HMCN2: variants seen among roughly 807,000 people sequenced by gnomAD.
HMCN2 encodes the protein hemicentin 2, also known as hemicentin-2.
A neutral mutation model predicts 377.5 loss-of-function variants in HMCN2; 325 were observed. That is an observed-to-expected ratio of 0.86 (90% CI 0.79 to 0.94). HMCN2 has a LOEUF of 0.94. HMCN2 is among the 40% of genes least tolerant of loss of function. HMCN2 has a pLI of 0.00. For missense variants in HMCN2, 4,543 were observed against 4,725.3 expected (o/e 0.96, Z 1.13); for synonymous variants, 2,007 against 2,046.8 (o/e 0.98, Z 0.53).
At chr9:130,398,020 G>T (rs1024526033) in intron 74 of HMCN2, among the ~76,000 whole-genome samples, 1 of 151,452 alleles carries the variant, frequency 6.6e-6, no homozygotes, top group Admixed American at 6.6e-5. Flanking sequence ...AAGCATGGTG[G>T]CACGTGCCTG....
chr9:130,429,781 C>T, intron 94 of HMCN2, 96 bp downstream of exon 94: 1 of 1,444,908 alleles, frequency 6.9e-7, no homozygotes, highest in Non-Finnish European at 9.1e-7. Flanking sequence ...TACGGGGACA[C>T]CCACCCTCTG....
At position 130,375,976 on chromosome 9, in the gene HMCN2, T is replaced by C. The variant is rs61740830; in HGVS notation, c.7905T>C (p.His2635=). 5.6e-3 allele frequency: 5,479 copies of C among 985,440 alleles called. 250 individuals are homozygous for C. The African/African-American group carries it at 0.088, about 16-fold the overall frequency. 61.0% of individuals were successfully genotyped at this position (985,440 alleles called of 1,614,324 possible). Residue 2635 remains histidine (H), a synonymous_variant, in exon 51 of 98, where the codon CAT becomes CAC. Coordinates refer to ENST00000683500, the MANE Select transcript of HMCN2 (RefSeq NM_001291815.2). ...TCGGGGAGGCCGTGAAAAACTACCA[T>C]GTGGAAGTGCTCAGTGAGTCGGGGA... ...NELGEAVKNY[H]VEVLIPPSIS...
At position 130,392,183 on chromosome 9, in the gene HMCN2, AAATGGGAGGTGCTGG is replaced by A. The variant is rs979063396; in HGVS notation, c.10136+68_10136+82del. 3 of 977,262 alleles carry A rather than the reference AAATGGGAGGTGCTGG, an allele frequency of 3.1e-6. No homozygotes were observed. In the African/African-American group the frequency reaches 5.3e-5, roughly 17 times the overall value. The allele number at this position is 977,262 out of a possible 1,614,324, so 60.5% of individuals were successfully genotyped here. On this transcript the variant is annotated intron_variant, in intron 66 of 97. Transcript: ENST00000683500. The stretch of plus-strand genomic sequence containing the variant: ...GAGTGGACATGTGGGGATTGTCAGC[AAATGGGAGGTGCTGG>A]AAGCCAGGACTGGCTGCAACACCCA...
At chr9:130,391,402 C>A (rs1588377660) in intron 64 of HMCN2, 39 bp downstream of exon 64, 2 of 987,674 alleles carry the variant, frequency 2.0e-6, no homozygotes, top group East Asian at 1.1e-4. Flanking sequence ...GGCGGTAGGG[C>A]CCATGTTCCC....
chr9:130,322,598 C>T (rs1347138278), intron 19 of HMCN2, among the ~76,000 whole-genome samples: 1 of 152,176 alleles, frequency 6.6e-6, no homozygotes, highest in South Asian at 2.1e-4. Flanking sequence ...CCCGCCCAAC[C>T]GCATCCCCCA....
intron 22 of HMCN2, among the ~76,000 whole-genome samples, chr9:130,333,676 C>T (rs1399616672): frequency 3.9e-5 from 6 of 152,186 alleles, no homozygotes; most frequent in East Asian, 1.9e-4. Context: ...CCCATCTCTC[C>T]GCTGCCGCCT....
Position 130,369,793 on chromosome 9 carries a change from CTGTG to C in HMCN2, c.7014_7017del (p.Cys2338TrpfsTer30). On this transcript the variant is annotated frameshift_variant, in exon 45 of 98. Coordinates refer to ENST00000683500, the MANE Select transcript of HMCN2 (RefSeq NM_001291815.2). LOFTEE classifies it high-confidence loss of function. The surrounding 1 kb of genome is among the most constrained non-coding windows in gnomAD (Gnocchi z 4.5). ...AGGCTGCCCACACTGGACGCTACAGCTGTGTGGCCGAGAACCTGGCTGGGAGGGC... is the reference window on the plus strand; with the variant it reads ...AGGCTGCCCACACTGGACGCTACAGCTGGCCGAGAACCTGGCTGGGAGGGC... The C allele has an allele frequency of 5.1e-6, 5 of 986,050 alleles. No homozygotes were observed. Among genetic ancestry groups the C allele is most frequent in the Non-Finnish European group, 6.0e-6 (5 of 830,142 alleles). The allele number at this position is 986,050 out of a possible 1,614,324, so 61.1% of individuals were successfully genotyped here. A position where few individuals can be genotyped will look rare whatever the true frequency, so the allele number is the denominator to read the frequency against.
chr9:130,285,101 G>C (rs1458236734), intron 2 of HMCN2, 57 bp from the exon 3 acceptor site: 2 of 462,906 alleles, frequency 4.3e-6, no homozygotes, highest in Non-Finnish European at 9.0e-6. Flanking sequence ...GATGTCCCTG[G>C]GTGGGTCCCA....
Position 130,422,913 on chromosome 9 carries a change from CA to C in HMCN2, c.13381+189del, listed in dbSNP as rs1215720023. On this transcript the variant is annotated intron_variant, in intron 87 of 97. Transcript: ENST00000683500. This position sits in a 1 kb window ranked among gnomAD's most constrained non-coding sequence, Gnocchi z 4.2. ...AATCCAAAGTGGACTCAGATGCAGG[CA>C]ACTTCCTGTCCCCCTCACAACCTCC... Among the ~76,000 whole-genome samples, 1 of 152,224 alleles carries C rather than the reference CA, an allele frequency of 6.6e-6. No homozygotes were observed. The highest frequency in any genetic ancestry group is 1.5e-5 in the Non-Finnish European group (1 of 68,040).
Position 130,400,863 on chromosome 9 carries a change from G to A in HMCN2, c.11686G>A (p.Gly3896Ser), listed in dbSNP as rs1487784609. Residue 3896 changes from glycine to serine, a missense_variant, in exon 77 of 98, where the codon GGT becomes AGT. By Grantham distance (56) the Gly-to-Ser change is moderately conservative. Transcript: ENST00000683500. The stretch of plus-strand genomic sequence containing the variant: ...TGTGGTCCTCACATGTCACAGCACG[G>A]GTATACCAGCTCCGACCGTGTCCTG... The part of the protein sequence containing the change: ...APVVLTCHST[G>S]IPAPTVSWSK... The A allele has an allele frequency of 1.6e-6, 2 of 1,289,626 alleles. No individual in the cohort carries two copies. Among genetic ancestry groups the A allele is most frequent in the Admixed American group, 2.3e-5 (1 of 43,550 alleles). The allele number at this position is 1,289,626 out of a possible 1,614,324, so 79.9% of individuals were successfully genotyped here. A position where few individuals can be genotyped will look rare whatever the true frequency, so the allele number is the denominator to read the frequency against.
At chr9:130,269,854 A>G (rs1328608509) in intron 1 of HMCN2, among the ~76,000 whole-genome samples, 1 of 147,760 alleles carries the variant, frequency 6.8e-6, no homozygotes, top group Non-Finnish European at 1.5e-5. Flanking sequence ...TCTGTTGCCC[A>G]GGCTGGAGTG....
chr9:130,387,331 G>C (rs1372822217), intron 61 of HMCN2, among the ~76,000 whole-genome samples: 4 of 152,084 alleles, frequency 2.6e-5, no homozygotes, highest in African/African-American at 7.2e-5. Context: ...TTATTCAAAA[G>C]CCCAGAGGTG....
At chr9:130,292,085 A>G (rs1175302614) in intron 4 of HMCN2, among the ~76,000 whole-genome samples, 3 of 151,348 alleles carry the variant, frequency 2.0e-5, no homozygotes, top group Non-Finnish European at 4.4e-5. Flanking sequence ...TGATTTGATG[A>G]AGGCTGAACT....
chr9:130,316,388 G>A (rs1426309815), intron 15 of HMCN2, among the ~76,000 whole-genome samples: 4 of 151,590 alleles, frequency 2.6e-5, no homozygotes, highest in Admixed American at 2.0e-4. Flanking sequence ...TGCCCTGGGC[G>A]TGGCTGAAGT....
intron 22 of HMCN2, among the ~76,000 whole-genome samples, chr9:130,332,507 T>A (rs1162655931): frequency 5.9e-5 from 9 of 152,196 alleles, no homozygotes; most frequent in Non-Finnish European, 1.3e-4. Context: ...CAGGAAGCAC[T>A]CAATAGTTGA....
chr9:130,280,277 C>G (rs1157914578), intron 1 of HMCN2, among the ~76,000 whole-genome samples: 1 of 151,584 alleles, frequency 6.6e-6, no homozygotes, highest in East Asian at 1.9e-4. Context: ...ATTCTCCTGC[C>G]TCAGCCTCCC....
At chr9:130,409,110 G>A (rs1843272302) in intron 84 of HMCN2, among the ~76,000 whole-genome samples, 177 bp downstream of exon 84, 1 of 152,162 alleles carries the variant, frequency 6.6e-6, no homozygotes, top group Admixed American at 6.5e-5. Context: ...AGCCAACTGG[G>A]CTTTTCCATT....
chr9:130,402,919 C>T (rs982664326), intron 78 of HMCN2, 23 bp downstream of exon 78: 3 of 1,285,250 alleles, frequency 2.3e-6, no homozygotes, highest in Non-Finnish European at 3.0e-6. Flanking sequence ...GGTCCAGACC[C>T]CAGAGTTCCT....
In HMCN2 at chr9:130,391,218, C is replaced by A. The variant is rs1037089515; in HGVS notation, c.9682C>A (p.Arg3228=). ...CCCTGCCTCAGTGGCCCCCCGGATC[C>A]GGAGCTCGGGCGTGGCGCGGGAGCA... The part of the protein sequence containing the change: ...VVAVLVAPRI[R]SSGVAREHHV... Residue 3228 remains arginine (R), a synonymous_variant, in exon 64 of 98, where the codon CGG becomes AGG. Transcript: ENST00000683500. The A allele has an allele frequency of 2.9e-5, 29 of 987,776 alleles. No homozygotes were observed. Among genetic ancestry groups the A allele is most frequent in the Admixed American group, 6.1e-5 (1 of 16,286 alleles). The allele number at this position is 987,776 out of a possible 1,614,324, so 61.2% of individuals were successfully genotyped here.
Sources: allele counts gnomAD v4.1 joint callset (sites outside exome capture counted in the v4.1 genomes callset), GRCh38; gene constraint gnomAD v4.1.1; non-coding constraint Gnocchi (gnomAD v3.1); transcripts MANE v1.5; gene names NCBI Gene and HGNC (gene_info 2026-07-23, HGNC 2026-07-21).